Variants in OTUD7A observed in about 807,000 individuals in gnomAD.
The protein encoded by OTUD7A is OTU domain-containing protein 7A.
OTUD7A carries 12 observed loss-of-function variants against 65.7 expected under a neutral mutation model. That is an observed-to-expected ratio of 0.18 (90% confidence interval 0.12 to 0.30). The LOEUF is 0.30. Among genes scored for constraint, OTUD7A ranks in the 10% least tolerant of loss-of-function variants. The probability of loss-of-function intolerance (pLI) is 1.00; values close to 1 mark genes in which losing one functional copy is unlikely to be tolerated. For missense variants in OTUD7A, 1,148 were observed against 1,304.8 expected (o/e 0.88, Z 1.85); for synonymous variants, 641 against 586.3 (o/e 1.09, Z -1.35).
chr15:31,578,454 TA>T (rs1263728600), intron 3 of OTUD7A, among the ~76,000 whole-genome samples: 1 of 152,168 alleles, frequency 6.6e-6, no homozygotes. Context: ...TTTCTATTAA[TA>T]ACTCTTTCAA....
At chr15:31,794,701 T>C (rs1467563230) in intron 1 of OTUD7A, among the ~76,000 whole-genome samples, 2 of 151,284 alleles carry the variant, frequency 1.3e-5, no homozygotes, top group East Asian at 3.9e-4. Flanking sequence ...AATCGCTTCA[T>C]CCACCTCGCC....
chr15:31,828,412 T>C (rs757753148), intron 1 of OTUD7A, among the ~76,000 whole-genome samples: 25 of 152,230 alleles, frequency 1.6e-4, no homozygotes, highest in Non-Finnish European at 3.2e-4. Flanking sequence ...ATGTTTAAAC[T>C]GGGTAATTAG....
intron 1 of OTUD7A, among the ~76,000 whole-genome samples, chr15:31,836,015 T>C (rs1897047114): frequency 1.3e-5 from 2 of 151,956 alleles, no homozygotes; most frequent in Non-Finnish European, 2.9e-5. Flanking sequence ...AAGTTTTGGA[T>C]TTTGGAACAT....
chr15:31,592,904 A>AAAATAT (rs1416029921), intron 3 of OTUD7A, among the ~76,000 whole-genome samples: 17 of 59,388 alleles, frequency 2.9e-4, no homozygotes, highest in East Asian at 1.2e-3. Flanking sequence ...AAAAAAAAAA[A>AAAATAT]ATATATATAT....
At chr15:31,754,211 AT>A (rs560210637) in intron 1 of OTUD7A, among the ~76,000 whole-genome samples, 7 of 150,116 alleles carry the variant, frequency 4.7e-5, no homozygotes, top group African/African-American at 9.8e-5. Context: ...TTTTAATGGG[AT>A]TTTTTTTTCT....
chr15:31,767,569 T>C (rs1036914454), intron 1 of OTUD7A: 1 of 808,016 alleles, frequency 1.2e-6, no homozygotes, highest in Non-Finnish European at 2.2e-6. Context: ...GAATTACTTG[T>C]TTTGGATTTA....
chr15:31,568,677 T>C (rs1475109655), intron 4 of OTUD7A, among the ~76,000 whole-genome samples: 1 of 152,184 alleles, frequency 6.6e-6, no homozygotes, highest in African/African-American at 2.4e-5. Context: ...ATCTTGGAGG[T>C]AAGGCCTAGT....
At chr15:31,565,623 A>C (rs1888842949) in intron 4 of OTUD7A, among the ~76,000 whole-genome samples, 2 of 152,200 alleles carry the variant, frequency 1.3e-5, no homozygotes, top group Non-Finnish European at 2.9e-5. Flanking sequence ...AAAAAAGGAA[A>C]AGCATAGCAA....
chr15:31,754,539 G>A (rs902187636), intron 1 of OTUD7A, among the ~76,000 whole-genome samples: 2 of 152,234 alleles, frequency 1.3e-5, no homozygotes, highest in African/African-American at 4.8e-5. Context: ...TTTTGTATAA[G>A]GTGACAGACA....
intron 1 of OTUD7A, among the ~76,000 whole-genome samples, chr15:31,684,832 G>A (rs1892799270): frequency 6.7e-6 from 1 of 148,814 alleles, no homozygotes; most frequent in Non-Finnish European, 1.5e-5. Flanking sequence ...CACACCCAAG[G>A]GCAGGGGACA....
chr15:31,593,493 G>T (rs1477909197), intron 3 of OTUD7A, among the ~76,000 whole-genome samples: 1 of 152,124 alleles, frequency 6.6e-6, no homozygotes, highest in Non-Finnish European at 1.5e-5. Context: ...CGAAAACTCT[G>T]CTTATAATTG....
At chr15:31,554,128 G>C (rs892437628) in intron 5 of OTUD7A, among the ~76,000 whole-genome samples, 2 of 152,130 alleles carry the variant, frequency 1.3e-5, no homozygotes, top group African/African-American at 4.8e-5. Flanking sequence ...GCAGGTGTCT[G>C]TTGCTGCCTC....
chr15:31,691,712 A>C (rs892872607), intron 1 of OTUD7A, among the ~76,000 whole-genome samples: 1 of 144,762 alleles, frequency 6.9e-6, no homozygotes, highest in Non-Finnish European at 1.5e-5. Context: ...AAAAGGCAAC[A>C]ATAGAAAAAT....
chr15:31,497,778 C>G (rs1350965409), intron 10 of OTUD7A, among the ~76,000 whole-genome samples: 1 of 152,142 alleles, frequency 6.6e-6, no homozygotes, highest in African/African-American at 2.4e-5. Context: ...CGCCATCCAC[C>G]CTCCCAACCC....
chr15:31,733,663 A>C (rs1387481762), intron 1 of OTUD7A, among the ~76,000 whole-genome samples: 1 of 152,222 alleles, frequency 6.6e-6, no homozygotes, highest in Non-Finnish European at 1.5e-5. Context: ...ACAGGGCCAT[A>C]ATACCCGACA....
intron 8 of OTUD7A, among the ~76,000 whole-genome samples, chr15:31,522,568 A>G (rs938302835): frequency 6.6e-6 from 1 of 152,154 alleles, no homozygotes; most frequent in African/African-American, 2.4e-5. Flanking sequence ...TACATTATCT[A>G]ATTCTCTGAA....
At chr15:31,667,136 G>A (rs1035545994) in intron 1 of OTUD7A, among the ~76,000 whole-genome samples, 1 of 152,192 alleles carries the variant, frequency 6.6e-6, no homozygotes, top group African/African-American at 2.4e-5. Flanking sequence ...GTACATATCT[G>A]TTAAGTCCAT....
At chr15:31,523,007 G>T (rs900533192) in intron 8 of OTUD7A, among the ~76,000 whole-genome samples, 2 of 152,212 alleles carry the variant, frequency 1.3e-5, no homozygotes, top group Non-Finnish European at 2.9e-5. Flanking sequence ...GTGGGGAACA[G>T]GTTCTGGGAA....
intron 1 of OTUD7A, among the ~76,000 whole-genome samples, chr15:31,682,424 C>T (rs1244062019): frequency 9.2e-5 from 14 of 151,986 alleles, no homozygotes. Flanking sequence ...ACTAGATTAG[C>T]CAAAACAACG....
Sources: gnomAD v4.1 joint callset for allele counts (sites outside exome capture counted in the v4.1 genomes callset) on GRCh38, gnomAD v4.1.1 for gene constraint, MANE v1.5 for transcripts, NCBI Gene and HGNC (gene_info 2026-07-23, HGNC 2026-07-21) for gene names.